The following SPHKAP variants were observed in gnomAD, a reference collection of about 807,000 sequenced individuals.
SPHKAP encodes the protein A-kinase anchor protein SPHKAP.
A neutral mutation model predicts 137.5 loss-of-function variants in SPHKAP; 67 were observed. The observed-to-expected ratio is 0.49, with a 90% CI of 0.40 to 0.60. The LOEUF (loss-of-function observed/expected upper bound fraction) is 0.60, where lower values mean the gene tolerates loss of function less well. Ranked by LOEUF, SPHKAP falls within the 20% of genes least tolerant of loss-of-function variation. The pLI is 0.00. For synonymous variants in SPHKAP, 813 were observed against 785.3 expected (o/e 1.04, Z -0.59); for missense variants, 2,097 against 2,069.3 (o/e 1.01, Z -0.26).
At chr2:228,009,553 A>G (rs1182979081) in intron 7 of SPHKAP, among the ~76,000 whole-genome samples, 7 of 152,178 alleles carry the variant, frequency 4.6e-5, no homozygotes, top group African/African-American at 7.2e-5. Context: ...GTTTCTTTTG[A>G]TGATTATACT....
At chr2:228,035,477 A>G (rs1418415451) in intron 3 of SPHKAP, among the ~76,000 whole-genome samples, 8 of 152,112 alleles carry the variant, frequency 5.3e-5, no homozygotes, top group Non-Finnish European at 1.0e-4. Context: ...TATAGATTCA[A>G]TGCCATCCCC....
chr2:228,161,243 G>C (rs1700263870), intron 1 of SPHKAP, among the ~76,000 whole-genome samples: 1 of 152,182 alleles, frequency 6.6e-6, no homozygotes, highest in African/African-American at 2.4e-5. Context: ...GGTCAGTCTA[G>C]CTACTGCGTA....
At chr2:228,095,941 T>C (rs1216203448) in intron 3 of SPHKAP, among the ~76,000 whole-genome samples, 1 of 152,128 alleles carries the variant, frequency 6.6e-6, no homozygotes, top group Non-Finnish European at 1.5e-5. Flanking sequence ...GGGCAGGAAA[T>C]TACAGTAAGT....
chr2:228,027,548 G>GA lies in SPHKAP; in HGVS notation c.247-6dup. On this transcript the variant is annotated splice_region_variant and splice_polypyrimidine_tract_variant and intron_variant, in intron 3 of 11. Transcript: ENST00000392056. ...ATCAAGATTCACAAAGCAGACCTGG[G>GA]AAAAGAGGGCAAAAATAGTACGTTA... The GA allele has an allele frequency of 1.9e-6, 3 of 1,613,752 alleles. No homozygotes were observed. The highest frequency in any genetic ancestry group is 2.5e-6 in the Non-Finnish European group (3 of 1,179,892).
chr2:228,107,701 T>C (rs1037569483), intron 3 of SPHKAP, among the ~76,000 whole-genome samples: 2 of 152,174 alleles, frequency 1.3e-5, no homozygotes, highest in African/African-American at 4.8e-5. Context: ...GCTGTGTAAC[T>C]AGAGATCTGT....
rs1304903762 is a variant in SPHKAP, at chr2:228,167,109, G to A, written c.32+14458C>T. Among the ~76,000 whole-genome samples the A allele has an allele frequency of 2.0e-5, 3 of 152,174 alleles. No individual in the cohort carries two copies. In the East Asian group the frequency reaches 5.8e-4, roughly 29 times the overall value. On this transcript the variant is annotated intron_variant, in intron 1 of 11. Coordinates refer to ENST00000392056, the MANE Select transcript of SPHKAP (RefSeq NM_001142644.2). ...CCCACCAGGCCTCACCTCCAACACT[G>A]AGGGTTAAATTTCAGCAGGAGGTTT...
chr2:227,993,669 A>G, intron 8 of SPHKAP, 49 bp from the exon 9 acceptor site: 1 of 1,465,064 alleles, frequency 6.8e-7, no homozygotes, highest in Non-Finnish European at 9.4e-7. Context: ...ACCCTCTAAC[A>G]TGCTGCTGAC....
At chr2:228,061,713 T>C (rs1457523308) in intron 3 of SPHKAP, among the ~76,000 whole-genome samples, 1 of 151,688 alleles carries the variant, frequency 6.6e-6, no homozygotes, top group Non-Finnish European at 1.5e-5. Context: ...ATTTATACTC[T>C]GAATATCCAG....
chr2:228,098,419 A>G (rs1185390929), intron 3 of SPHKAP, among the ~76,000 whole-genome samples: 2 of 152,190 alleles, frequency 1.3e-5, no homozygotes, highest in African/African-American at 4.8e-5. Context: ...ACACCATGGA[A>G]TACTATGCAG....
At chr2:228,008,190 T>C (rs78794254) in intron 7 of SPHKAP, among the ~76,000 whole-genome samples, 27,322 of 152,094 alleles carry the variant, frequency 0.18, 2,527 homozygotes, top group African/African-American at 0.24. Flanking sequence ...ATAAAGTCTA[T>C]TTTATCAAGC....
At chr2:228,119,475 T>A (rs200520683) in intron 2 of SPHKAP, among the ~76,000 whole-genome samples, 37,721 of 122,408 alleles carry the variant, frequency 0.31, 5,483 homozygotes, top group East Asian at 0.5. Context: ...ACACACACTC[T>A]CTCTCTCTCT....
intron 1 of SPHKAP, among the ~76,000 whole-genome samples, chr2:228,155,787 G>T (rs1700090580): frequency 6.6e-6 from 1 of 152,154 alleles, no homozygotes; most frequent in Admixed American, 6.5e-5. Context: ...ATGTCCAAAA[G>T]TGCTATACAT....
At chr2:228,058,498 C>T (rs966209072) in intron 3 of SPHKAP, among the ~76,000 whole-genome samples, 4 of 152,126 alleles carry the variant, frequency 2.6e-5, no homozygotes, top group African/African-American at 7.2e-5. Flanking sequence ...AACAGTGTTT[C>T]CTGAACACGC....
chr2:228,132,843 CAA>C, intron 1 of SPHKAP, among the ~76,000 whole-genome samples: 1 of 126,260 alleles, frequency 7.9e-6, no homozygotes, highest in African/African-American at 2.9e-5. Flanking sequence ...ACTAAAAATA[CAA>C]AAAAAAAAAT....
chr2:228,004,573 C>T (rs549996990), intron 7 of SPHKAP, among the ~76,000 whole-genome samples: 3 of 152,240 alleles, frequency 2.0e-5, no homozygotes, highest in South Asian at 2.1e-4. Flanking sequence ...CTGCTCTGAT[C>T]TTAGTTATTT....
chr2:228,082,889 T>G (rs757430281), intron 3 of SPHKAP, among the ~76,000 whole-genome samples: 1 of 152,168 alleles, frequency 6.6e-6, no homozygotes, highest in African/African-American at 2.4e-5. Flanking sequence ...TTTTTTTAAT[T>G]GAAGTGATTC....
intron 3 of SPHKAP, among the ~76,000 whole-genome samples, chr2:228,098,649 T>C (rs978150117): frequency 6.6e-6 from 1 of 151,780 alleles, no homozygotes; most frequent in Non-Finnish European, 1.5e-5. Flanking sequence ...CATTAGGAGA[T>C]ATACCTAACG....
In SPHKAP at chr2:228,021,849, C is replaced by T. The variant is rs1337136573; in HGVS notation, c.559G>A (p.Glu187Lys). Residue 187 changes from glutamate (E) to lysine (K), a missense_variant, in exon 6 of 12, where the codon GAG (glutamate) becomes AAG (lysine). Physicochemically the swap from Glu to Lys is moderately conservative, Grantham distance 56. Coordinates refer to ENST00000392056, the MANE Select transcript of SPHKAP (RefSeq NM_001142644.2). Reference protein sequence around the residue: ...KFLIGLELVQERQLHLETNIL... With the variant: ...KFLIGLELVQKRQLHLETNIL... ...TTTGTTTCCAGGTGGAGCTGTCGCT[C>T]CTGCACCAGTTCCAGACCAATCAGA... 9 of 1,614,014 alleles carry T rather than the reference C, an allele frequency of 5.6e-6. No individual in the cohort carries two copies. The highest frequency in any genetic ancestry group is 5.0e-5 in the Admixed American group (3 of 59,992).
chr2:228,055,832 T>A (rs903030105), intron 3 of SPHKAP, among the ~76,000 whole-genome samples: 1 of 152,196 alleles, frequency 6.6e-6, no homozygotes, highest in African/African-American at 2.4e-5. Flanking sequence ...GCATGAATCT[T>A]CAAGACACCA....
Sources: allele counts gnomAD v4.1 joint callset (sites outside exome capture counted in the v4.1 genomes callset), GRCh38; gene constraint gnomAD v4.1.1; transcripts MANE v1.5; gene names NCBI Gene and HGNC (gene_info 2026-07-23, HGNC 2026-07-21).